AGAP3: variants seen among roughly 807,000 people sequenced by gnomAD.
AGAP3 encodes the protein arf-GAP with GTPase, ANK repeat and PH domain-containing protein 3.
A neutral mutation model predicts 96.9 loss-of-function variants in AGAP3; 24 were observed. That is an observed-to-expected ratio of 0.25 (90% CI 0.18 to 0.35). The LOEUF is 0.35. Among genes scored for constraint, AGAP3 ranks in the 10% least tolerant of loss-of-function variants. The probability of loss-of-function intolerance (pLI) is 1.00; values close to 1 mark genes in which losing one functional copy is unlikely to be tolerated. For missense variants in AGAP3, 876 were observed against 1,254.2 expected (o/e 0.70, Z 4.55); for synonymous variants, 563 against 536.1 (o/e 1.05, Z -0.69).
upstream of AGAP3, chr7:151,086,174 G>A (rs1798133799): frequency 6.6e-6 from 1 of 152,422 alleles, no homozygotes; most frequent in Non-Finnish European, 1.5e-5. Context: ...GAGGAGACCA[G>A]GGCAGCTGTC....
chr7:151,130,423 G>A (rs976459272), intron 10 of AGAP3, among the ~76,000 whole-genome samples: 1 of 152,190 alleles, frequency 6.6e-6, no homozygotes, highest in East Asian at 1.9e-4. Flanking sequence ...TTGGACCCAT[G>A]ACTTTGGCTC....
intron 8 of AGAP3, 184 bp from the exon 9 acceptor site, chr7:151,123,610 G>A: frequency 2.8e-6 from 4 of 1,443,994 alleles, no homozygotes; most frequent in Admixed American, 2.4e-5. Flanking sequence ...GTATGGTGCC[G>A]TGTGTAAGAA....
chr7:151,140,172 A>T lies in AGAP3; in HGVS notation c.1804+56A>T. On this transcript the variant is annotated intron_variant, in intron 13 of 17. Transcript: ENST00000397238. This position sits in a 1 kb window ranked among gnomAD's most constrained non-coding sequence, Gnocchi z 5.4. ...AGGAGGTGGGCAGTGGGACTTGGGG[A>T]TAGTACCCTAAAAGTAACACCTATT... 1 of 1,445,670 alleles carries T rather than the reference A, an allele frequency of 6.9e-7. No homozygotes were observed. The highest frequency in any genetic ancestry group is 9.1e-7 in the Non-Finnish European group (1 of 1,096,206). The allele number at this position is 1,445,670 out of a possible 1,614,324, so 89.6% of individuals were successfully genotyped here. A position where few individuals can be genotyped will look rare whatever the true frequency, so the allele number is the denominator to read the frequency against.
rs61741392 is a variant in AGAP3, at chr7:151,118,618, G to T, written c.955G>T (p.Val319Leu). ...SAVSAASIPA[V>L]HINQATNGGG... ...CGTGTCCGCCGCCTCCATCCCGGCC[G>T]TGCACATCAACCAGGTTCGGCCTGT... Residue 319 changes from valine (V) to leucine (L), a missense_variant, in exon 7 of 18, where the codon GTG (valine) becomes TTG (leucine). This residue lies in a region of AGAP3 where 100 missense variants were observed against 129.4 expected (regional missense o/e 0.77). Coordinates refer to ENST00000397238, the MANE Select transcript of AGAP3 (RefSeq NM_031946.7). This position sits in a 1 kb window ranked among gnomAD's most constrained non-coding sequence, Gnocchi z 6.1. 2 of 1,613,288 alleles carry T rather than the reference G, an allele frequency of 1.2e-6. No individual in the cohort carries two copies. Among genetic ancestry groups the T allele is most frequent in the Non-Finnish European group, 1.7e-6 (2 of 1,179,962 alleles).
At chr7:151,135,938 G>A (rs1391858694) in intron 11 of AGAP3, among the ~76,000 whole-genome samples, 1 of 152,188 alleles carries the variant, frequency 6.6e-6, no homozygotes, top group Non-Finnish European at 1.5e-5. Context: ...CCTGAGCTCA[G>A]AAAGGAAGCC....
chr7:151,111,386 G>A (rs570155670), intron 1 of AGAP3, among the ~76,000 whole-genome samples: 3 of 152,306 alleles, frequency 2.0e-5, no homozygotes, highest in African/African-American at 4.8e-5. Flanking sequence ...TCATCTCCTC[G>A]AAAGAAATCT....
At chr7:151,131,258 A>G (rs1296886994) in intron 10 of AGAP3, 2 of 152,320 alleles carry the variant, frequency 1.3e-5, no homozygotes, top group African/African-American at 4.8e-5. Context: ...CATTCACACA[A>G]TCACCTTCTG....
intron 2 of AGAP3, 58 bp from the exon 3 acceptor site, chr7:151,117,037 G>T: frequency 6.4e-7 from 1 of 1,558,814 alleles, no homozygotes; most frequent in South Asian, 1.1e-5. Flanking sequence ...TTTTCCTGCT[G>T]GGTCTTCTCC....
intron 9 of AGAP3, among the ~76,000 whole-genome samples, chr7:151,124,314 G>T (rs894670216): frequency 6.6e-6 from 1 of 152,172 alleles, no homozygotes; most frequent in Non-Finnish European, 1.5e-5. Context: ...GCCTCTGTTC[G>T]TCTTTAAAGA....
chr7:151,136,102 A>G (rs1391895719), intron 11 of AGAP3: 1 of 152,172 alleles, frequency 6.6e-6, no homozygotes, highest in Admixed American at 6.5e-5. Context: ...CTGCCCGGAG[A>G]GCGGGTCAGA....
rs1799450087 is a variant in AGAP3 at position 151,114,649 on chromosome 7, C to G, written c.332-2144C>G. The G allele has an allele frequency of 1.1e-6, 1 of 918,624 alleles. No homozygotes were observed. Among genetic ancestry groups the G allele is most frequent in the South Asian group, 5.0e-5 (1 of 19,964 alleles). 56.9% of individuals were successfully genotyped at this position (918,624 alleles called of 1,614,324 possible). On this transcript the variant is annotated intron_variant, in intron 1 of 17. Transcript: ENST00000397238. The surrounding 1 kb of genome is among the most constrained non-coding windows in gnomAD (Gnocchi z 4.4). ...GCCGCGAGGTGGAGGAGTTGAGGGA[C>G]TCGGTCGGCCCACACCAGGTGCCCA... is the stretch of plus-strand genomic sequence containing the variant.
At chr7:151,131,061 C>G (rs930082491) in intron 10 of AGAP3, 3 of 152,284 alleles carry the variant, frequency 2.0e-5, no homozygotes, top group Admixed American at 1.3e-4. Flanking sequence ...GAGCCTGGCT[C>G]TCCTCTCCAG....
intron 8 of AGAP3, chr7:151,122,799 G>T: frequency 6.2e-7 from 1 of 1,613,760 alleles, no homozygotes; most frequent in Non-Finnish European, 8.5e-7. Context: ...AGACCAGTTG[G>T]TGACACACAG....
chr7:151,122,003 C>A (rs1436605614), intron 8 of AGAP3, among the ~76,000 whole-genome samples: 1 of 152,234 alleles, frequency 6.6e-6, no homozygotes, highest in Non-Finnish European at 1.5e-5. Context: ...TTCATGTGCT[C>A]ATTTCGTTGC....
intron 2 of AGAP3, 69 bp from the exon 3 acceptor site, chr7:151,117,026 C>T: frequency 1.3e-6 from 2 of 1,543,148 alleles, no homozygotes; most frequent in Non-Finnish European, 8.9e-7. Flanking sequence ...TGCTTCTTTG[C>T]TTTTCCTGCT....
chr7:151,123,155 C>T (rs1487574165), intron 8 of AGAP3: 2 of 1,083,386 alleles, frequency 1.8e-6, no homozygotes, highest in Non-Finnish European at 2.2e-6. Context: ...TCTGCTCCTT[C>T]CTGCATGGAC....
Position 151,143,152 on chromosome 7 carries a change from A to C in AGAP3, c.2274-189A>C. Among the ~76,000 whole-genome samples the C allele has an allele frequency of 6.6e-6, 1 of 150,792 alleles. No homozygotes were observed. The highest frequency in any genetic ancestry group is 2.4e-5 in the African/African-American group (1 of 40,910). ...AGCTTCTCCCACCCCCCTTTCCATT[A>C]CCCACTGCCCCTCTGTGTGCCTGGA... On this transcript the variant is annotated intron_variant, in intron 16 of 17. Transcript: ENST00000397238. This position sits in a 1 kb window ranked among gnomAD's most constrained non-coding sequence, Gnocchi z 5.9.
intron 1 of AGAP3, among the ~76,000 whole-genome samples, chr7:151,097,925 G>A (rs549490194): frequency 4.6e-5 from 7 of 152,234 alleles, no homozygotes; most frequent in South Asian, 2.1e-4. Context: ...ATGTTCTTCT[G>A]TTCATACCAC....
intron 1 of AGAP3, among the ~76,000 whole-genome samples, chr7:151,111,325 C>T (rs952195549): frequency 3.9e-5 from 6 of 152,196 alleles, no homozygotes; most frequent in South Asian, 2.1e-4. Context: ...CCACACCCTG[C>T]GGAGCTGGCC....
Sources: allele counts gnomAD v4.1 joint callset (sites outside exome capture counted in the v4.1 genomes callset), GRCh38; gene constraint gnomAD v4.1.1; regional missense constraint gnomAD v4.1.1; non-coding constraint Gnocchi (gnomAD v3.1); transcripts MANE v1.5; gene names NCBI Gene and HGNC (gene_info 2026-07-23, HGNC 2026-07-21).